The following IGF1R variants were observed in gnomAD, a reference collection of about 807,000 sequenced individuals.
The protein encoded by IGF1R is insulin like growth factor 1 receptor, also known as insulin-like growth factor 1 receptor.
IGF1R carries 44 observed loss-of-function variants against 144.6 expected under a neutral mutation model. That is an observed-to-expected ratio of 0.30 (90% CI 0.24 to 0.39). The LOEUF is 0.39. Among genes scored for constraint, IGF1R ranks in the 10% least tolerant of loss-of-function variants. The pLI, the probability that IGF1R is intolerant of heterozygous loss-of-function variation, is 1.00. For synonymous variants in IGF1R, 795 were observed against 722.8 expected, an observed-to-expected ratio of 1.10 and a Z score of -1.60; for missense variants, 1,355 against 1,833.7, an observed-to-expected ratio of 0.74 and a Z score of 4.77.
chr15:98,865,591 G>A (rs553958467), intron 2 of IGF1R, among the ~76,000 whole-genome samples: 1 of 152,234 alleles, frequency 6.6e-6, no homozygotes, highest in Non-Finnish European at 1.5e-5. Flanking sequence ...TGGCTTTGTG[G>A]TTTGGGAAGA....
At chr15:98,689,984 G>A (rs2053435959) in intron 1 of IGF1R, among the ~76,000 whole-genome samples, 1 of 152,140 alleles carries the variant, frequency 6.6e-6, no homozygotes, top group African/African-American at 2.4e-5. Flanking sequence ...GGGGGTCAAG[G>A]AGATAGAGCA....
intron 19 of IGF1R, among the ~76,000 whole-genome samples, chr15:98,946,771 GGTGGGAGCCGTGCCGT>G (rs1567216309): frequency 1.3e-5 from 2 of 152,196 alleles, no homozygotes; most frequent in African/African-American, 4.8e-5. Flanking sequence ...GGAGGGCCAG[GGTGGGAGCCGTGCCGT>G]GAGAACTGGC....
rs1264004232 is a variant in IGF1R, at chr15:98,648,549, A to AGCG, written c.-1020_-1018dup. 9.0e-5 allele frequency among the ~76,000 whole-genome samples: 13 copies of AGCG among 143,830 alleles called. No homozygotes were observed. Among genetic ancestry groups the AGCG allele is most frequent in the East Asian group, 4.1e-4 (2 of 4,856 alleles). 94.4% of individuals were successfully genotyped at this position (143,830 alleles called of 152,430 possible). A position where few individuals can be genotyped will look rare whatever the true frequency, so the allele number is the denominator to read the frequency against. On this transcript the variant is annotated 5_prime_UTR_variant, in exon 1 of 21. Transcript: ENST00000650285. ...CGCGCGCGAGCCCCCAGTGTGTGGC[A>AGCG]GCGGCGGCGGCGGCGCGGCGAGGCT...
At chr15:98,660,408 A>T (rs973309843) in intron 1 of IGF1R, 1 of 152,190 alleles carries the variant, frequency 6.6e-6, no homozygotes. Flanking sequence ...CATCTCCCCC[A>T]TATTGCTTTC....
Position 98,916,764 on chromosome 15 carries a change from G to C in IGF1R, c.2089G>C (p.Gly697Arg), listed in dbSNP as rs1162353876. The change falls in exon 10 of 21, where the codon GGG (glycine) becomes CGG (arginine). Residue 697 changes from glycine (G) to arginine (R), a missense_variant. By Grantham distance (125) the Gly-to-Arg change is moderately radical (BLOSUM62 -2). Coordinates refer to ENST00000650285, the MANE Select transcript of IGF1R (RefSeq NM_000875.5). ...PKTEVCGGEK[G>R]PCCACPKTEA... ...GACTGAGGTGTGTGGTGGGGAGAAA[G>C]GGCCTTGCTGCGCCTGCCCCAAAAC... 6.2e-7 allele frequency: 1 copy of C among 1,614,030 alleles called. No individual in the cohort carries two copies. Among genetic ancestry groups the C allele is most frequent in the Non-Finnish European group, 8.5e-7 (1 of 1,180,022 alleles).
intron 13 of IGF1R, 125 bp from the exon 14 acceptor site, chr15:98,929,433 A>T: frequency 1.3e-6 from 1 of 759,606 alleles, no homozygotes; most frequent in East Asian, 2.5e-5. Flanking sequence ...AGGAATTCTT[A>T]CTGTATGATG....
chr15:98,657,899 C>A (rs1285609896), intron 1 of IGF1R, among the ~76,000 whole-genome samples: 1 of 152,148 alleles, frequency 6.6e-6, no homozygotes, highest in African/African-American at 2.4e-5. Context: ...TCAGATTGAC[C>A]CCTATTCCGG....
chr15:98,937,467 C>G (rs2016198361), intron 17 of IGF1R, among the ~76,000 whole-genome samples: 1 of 152,174 alleles, frequency 6.6e-6, no homozygotes, highest in African/African-American at 2.4e-5. Flanking sequence ...GACAAGATTA[C>G]TGAAGTCCCT....
rs1264453829 is a variant in IGF1R, at chr15:98,957,625, T to A, written c.*183T>A. On this transcript the variant is annotated 3_prime_UTR_variant, in exon 21 of 21. Coordinates refer to ENST00000650285, the MANE Select transcript of IGF1R (RefSeq NM_000875.5). ...AAAACACATTTGGGATGTTCCTTTTTTCAATATGCAAGCAGCTTTTTATTC... is the reference window on the plus strand; with the variant it reads ...AAAACACATTTGGGATGTTCCTTTTATCAATATGCAAGCAGCTTTTTATTC... The A allele has an allele frequency of 1.4e-5, 10 of 706,366 alleles. No homozygotes were observed. In the East Asian group the frequency reaches 2.4e-4, roughly 17 times the overall value. 43.8% of individuals were successfully genotyped at this position (706,366 alleles called of 1,614,324 possible).
chr15:98,955,477 C>A (rs189635801), intron 20 of IGF1R, among the ~76,000 whole-genome samples: 8 of 152,356 alleles, frequency 5.3e-5, no homozygotes, highest in African/African-American at 1.7e-4. Context: ...CAGCTGCAGC[C>A]CACATGGAAA....
chr15:98,864,331 C>T (rs1280216730), intron 2 of IGF1R, among the ~76,000 whole-genome samples: 1 of 152,162 alleles, frequency 6.6e-6, no homozygotes, highest in African/African-American at 2.4e-5. Context: ...TCAGCAGTCC[C>T]AAATCTAATT....
intron 2 of IGF1R, among the ~76,000 whole-genome samples, chr15:98,739,619 A>AC (rs2141312373): frequency 4.0e-5 from 1 of 24,996 alleles, no homozygotes; most frequent in African/African-American, 8.6e-5. Context: ...AAAGAAAAAA[A>AC]AATTTTTTTG....
Position 98,812,747 on chromosome 15 carries a change from C to T in IGF1R, c.641-78578C>T, listed in dbSNP as rs1298856027. Among the ~76,000 whole-genome samples, 3 of 152,302 alleles carry T rather than the reference C, an allele frequency of 2.0e-5. No individual in the cohort carries two copies. In the South Asian group the frequency reaches 6.2e-4, roughly 32 times the overall value. ...TGTTGTATTTTATCTAACTAATTTGCCCTTGCCCCCAACTTTTATCTTGGA... is the reference window on the plus strand; with the variant it reads ...TGTTGTATTTTATCTAACTAATTTGTCCTTGCCCCCAACTTTTATCTTGGA... On this transcript the variant is annotated intron_variant, in intron 2 of 20. Coordinates refer to ENST00000650285, the MANE Select transcript of IGF1R (RefSeq NM_000875.5).
In IGF1R at chr15:98,960,247, A is replaced by G; in HGVS notation, c.*2805A>G. ...GCAACACTAACTCACCTCTCTGCTC[A>G]TTTCAGACAGCTTGCCTTTTTCTGA... On this transcript the variant is annotated 3_prime_UTR_variant, in exon 21 of 21. Transcript: ENST00000650285. 1 of 233,466 alleles carries G rather than the reference A, an allele frequency of 4.3e-6. No individual in the cohort carries two copies. Among genetic ancestry groups the G allele is most frequent in the Non-Finnish European group, 8.5e-6 (1 of 118,058 alleles). 14.5% of individuals were successfully genotyped at this position (233,466 alleles called of 1,614,324 possible).
intron 10 of IGF1R, among the ~76,000 whole-genome samples, chr15:98,921,076 A>G (rs147905654): frequency 6.6e-6 from 1 of 152,308 alleles, no homozygotes; most frequent in East Asian, 1.9e-4. Context: ...CTGGGCAGAT[A>G]GAATTCATCC....
intron 1 of IGF1R, among the ~76,000 whole-genome samples, chr15:98,677,777 C>G (rs145034002): frequency 6.6e-6 from 1 of 152,158 alleles, no homozygotes. Context: ...GCTGCTCAGC[C>G]AGTAGGCCCT....
At chr15:98,650,903 G>C (rs1320203497) in intron 1 of IGF1R, 3 of 984,744 alleles carry the variant, frequency 3.0e-6, no homozygotes, top group East Asian at 2.3e-4. Flanking sequence ...AGGGAAGCGC[G>C]GGGATGCGGG....
intron 2 of IGF1R, among the ~76,000 whole-genome samples, chr15:98,788,716 C>T (rs901233783): frequency 3.3e-5 from 5 of 152,234 alleles, no homozygotes; most frequent in African/African-American, 1.2e-4. Flanking sequence ...TGAGGCCTGT[C>T]CTAATCCCTG....
chr15:98,807,033 C>T (rs185284067), intron 2 of IGF1R, among the ~76,000 whole-genome samples: 4 of 152,162 alleles, frequency 2.6e-5, no homozygotes, highest in Non-Finnish European at 5.9e-5. Context: ...GAATTTATAA[C>T]GTCTGATGTG....
Sources: allele counts gnomAD v4.1 joint callset (sites outside exome capture counted in the v4.1 genomes callset), GRCh38; gene constraint gnomAD v4.1.1; transcripts MANE v1.5; gene names NCBI Gene and HGNC (gene_info 2026-07-23, HGNC 2026-07-21).